DNAH17: variants seen among roughly 807,000 people sequenced by gnomAD.
DNAH17 encodes axonemal beta dynein heavy chain 17.
In DNAH17, 376 loss-of-function variants were observed where a neutral mutation model predicts 485.6. That is an observed-to-expected ratio of 0.77 (90% CI 0.71 to 0.84). The LOEUF is 0.84. DNAH17 is among the 40% of genes least tolerant of loss of function. The pLI is 0.00. For synonymous variants in DNAH17, 3,031 were observed against 2,405.9 expected, an observed-to-expected ratio of 1.26 and a Z score of -7.60; for missense variants, 6,370 against 5,839.3, an observed-to-expected ratio of 1.09 and a Z score of -2.96.
At chr17:78,528,042 G>T (rs992744506) in intron 22 of DNAH17, among the ~76,000 whole-genome samples, 1 of 151,764 alleles carries the variant, frequency 6.6e-6, no homozygotes, top group Non-Finnish European at 1.5e-5. Context: ...GCCTCCCAAA[G>T]TGCTGAAATT....
Position 78,567,161 on chromosome 17 carries a change from G to C in DNAH17, c.1290C>G (p.Leu430=), listed in dbSNP as rs1345377577. ...FFQRIQTIEE[L]YKTAIEFLKL... is the part of the protein sequence containing the mutation. ...TCAGAAACTCAATTGCTGTTTTATA[G>C]AGTTCCTAGTGGAGGAGAAAAACAC... Residue 430 remains leucine, a synonymous_variant, in exon 10 of 81, where the codon CTC becomes CTG. Coordinates refer to ENST00000389840, the MANE Select transcript of DNAH17 (RefSeq NM_173628.4). The C allele has an allele frequency of 1.3e-6, 2 of 1,598,174 alleles. No homozygotes were observed. Among genetic ancestry groups the C allele is most frequent in the Non-Finnish European group, 1.7e-6 (2 of 1,172,234 alleles).
intron 54 of DNAH17, among the ~76,000 whole-genome samples, chr17:78,471,132 T>C (rs1454561077): frequency 6.6e-6 from 1 of 152,192 alleles, no homozygotes; most frequent in Non-Finnish European, 1.5e-5. Context: ...TGAAGAGGCT[T>C]TAAAAGTGTC....
In DNAH17 at chr17:78,423,764, G is replaced by T; in HGVS notation, c.*142C>A. 2 of 1,121,390 alleles carry T rather than the reference G, an allele frequency of 1.8e-6. No individual in the cohort carries two copies. 69.5% of individuals were successfully genotyped at this position (1,121,390 alleles called of 1,614,324 possible). Reference sequence around the variant, plus strand: ...CCAACCTCCACCCTCTGGTTCCGATGTGCTTGGTTACAAAGCACCTGATTA... The same window carrying T: ...CCAACCTCCACCCTCTGGTTCCGATTTGCTTGGTTACAAAGCACCTGATTA... On this transcript the variant is annotated 3_prime_UTR_variant, in exon 81 of 81. Transcript: ENST00000389840.
chr17:78,478,862 C>T, intron 51 of DNAH17, 163 bp downstream of exon 51: 1 of 624,902 alleles, frequency 1.6e-6, no homozygotes, highest in Non-Finnish European at 2.8e-6. Context: ...CTACCACTGT[C>T]ACCACCACCA....
At chr17:78,457,657 C>CTTTTTTTTT (rs71160297) in intron 62 of DNAH17, among the ~76,000 whole-genome samples, 1 of 66,784 alleles carries the variant, frequency 1.5e-5, no homozygotes. Context: ...CCGTGCCTGG[C>CTTTTTTTTT]TTTTTTTTTT....
At chr17:78,526,045 G>A (rs1356925212) in intron 24 of DNAH17, among the ~76,000 whole-genome samples, 1 of 152,222 alleles carries the variant, frequency 6.6e-6, no homozygotes, top group Non-Finnish European at 1.5e-5. Context: ...GGGCCCCACT[G>A]GGCCCCAAGA....
At chr17:78,496,156 T>A in intron 37 of DNAH17, 124 bp from the exon 38 acceptor site, 1 of 1,075,534 alleles carries the variant, frequency 9.3e-7, no homozygotes, top group Middle Eastern at 2.2e-4. Flanking sequence ...AACCTCCTAG[T>A]TTATTTTTTA....
At chr17:78,427,280 GGA>G (rs2146411055) in intron 77 of DNAH17, 172 bp from the exon 78 acceptor site, 4 of 652,910 alleles carry the variant, frequency 6.1e-6, no homozygotes, top group Non-Finnish European at 1.1e-5. Context: ...CATTTGATGA[GGA>G]GAGGGAGCCT....
chr17:78,439,665 CTTTTTTTTTT>C (rs11399691), intron 72 of DNAH17, among the ~76,000 whole-genome samples: 1 of 92,236 alleles, frequency 1.1e-5, no homozygotes, highest in African/African-American at 4.2e-5. Context: ...CAGTACTTCA[CTTTTTTTTTT>C]TTTTTTTTTT....
chr17:78,549,646 G>T (rs184706318), intron 16 of DNAH17, among the ~76,000 whole-genome samples: 1 of 152,332 alleles, frequency 6.6e-6, no homozygotes, highest in East Asian at 1.9e-4. Flanking sequence ...AGGTAAAGGG[G>T]GGTTTATGTA....
intron 48 of DNAH17, 64 bp downstream of exon 48, chr17:78,484,804 C>G (rs1042584740): frequency 1.5e-6 from 2 of 1,377,146 alleles, no homozygotes; most frequent in Non-Finnish European, 1.9e-6. Context: ...TCCTGCGCCC[C>G]GCCCTGGCCC....
At chr17:78,433,939 A>AGGAGGGAGGGAAGGAG (rs1387307141) in intron 75 of DNAH17, 90 bp downstream of exon 75, 1 of 913,060 alleles carries the variant, frequency 1.1e-6, no homozygotes, top group East Asian at 2.7e-5. Flanking sequence ...GAGGGAGGGA[A>AGGAGGGAGGGAAGGAG]GGAGGGAGGG....
chr17:78,570,885 A>T, intron 6 of DNAH17, 63 bp downstream of exon 6: 9 of 703,046 alleles, frequency 1.3e-5, no homozygotes, highest in African/African-American at 2.3e-5. Context: ...AAAAGAAAAA[A>T]GAAAAGAAAA....
rs749812571 is a variant in DNAH17 at position 78,468,818 on chromosome 17, T to TGTCATC, written c.8571_8576dup (p.Met2858_Thr2859dup). The TGTCATC allele has an allele frequency of 1.2e-6, 2 of 1,614,048 alleles. No homozygotes were observed. The highest frequency in any genetic ancestry group is 1.7e-6 in the Non-Finnish European group (2 of 1,179,910). ...ACTGCTCCTCGGCCACCTGGGAGTCTGTCATCAGGAACACCGAGGGAACGT... is the reference window on the plus strand; with the variant it reads ...ACTGCTCCTCGGCCACCTGGGAGTCTGTCATCGTCATCAGGAACACCGAGGGAACGT... On this transcript the variant is annotated inframe_insertion, in exon 55 of 81. Coordinates refer to ENST00000389840, the MANE Select transcript of DNAH17 (RefSeq NM_173628.4).
chr17:78,428,301 G>A (rs1442368035), intron 77 of DNAH17: 4 of 598,584 alleles, frequency 6.7e-6, no homozygotes, highest in African/African-American at 5.5e-5. Context: ...GATCCCTTTT[G>A]TCTGGGCCCG....
chr17:78,486,221 C>T lies in DNAH17; in HGVS notation c.7101+3G>A, dbSNP rs766891042. 8.8e-6 allele frequency: 14 copies of T among 1,586,952 alleles called. No individual in the cohort carries two copies. The highest frequency in any genetic ancestry group is 1.2e-5 in the Non-Finnish European group (14 of 1,164,416). On this transcript the variant is annotated splice_donor_region_variant and intron_variant, in intron 45 of 80. Transcript: ENST00000389840. Reference sequence around the variant, plus strand: ...GGGTGGCCGGGCCCCCCAGGTGCATCACCTGGTCCTGGAACATGGCGCCAC... The same window carrying T: ...GGGTGGCCGGGCCCCCCAGGTGCATTACCTGGTCCTGGAACATGGCGCCAC...
At chr17:78,500,040 A>C (rs1033685315) in intron 36 of DNAH17, 1 of 420,792 alleles carries the variant, frequency 2.4e-6, no homozygotes, top group African/African-American at 2.0e-5. Context: ...CAATCTTAAC[A>C]ACTGAAATTG....
chr17:78,550,202 C>T lies in DNAH17; in HGVS notation c.2391+1333G>A, dbSNP rs181029141. 3.7e-4 allele frequency among the ~76,000 whole-genome samples: 57 copies of T among 152,350 alleles called. No homozygotes were observed. In the East Asian group the frequency reaches 9.1e-3, roughly 24 times the overall value. The stretch of plus-strand genomic sequence containing the variant: ...TCAACAGGCTAGAAGAATGTTACGA[C>T]GTCCAGCGGACATTAACACAAGGAG... On this transcript the variant is annotated intron_variant, in intron 16 of 80. Transcript: ENST00000389840.
rs775238626 is a variant in DNAH17 at position 78,424,000 on chromosome 17, C to T, written c.13295G>A (p.Arg4432His). Residue 4432 changes from arginine to histidine, a missense_variant, in exon 81 of 81, where the codon CGC (arginine) becomes CAC (histidine). Coordinates refer to ENST00000389840, the MANE Select transcript of DNAH17 (RefSeq NM_173628.4). The stretch of plus-strand genomic sequence containing the variant: ...AAAGGTCCAGACATAGGTGGGGCCG[C>T]GGATGCGTGTTTTGTACACGGGACA... ...YECPVYKTRI[R>H]GPTYVWTFNL... The T allele has an allele frequency of 6.1e-5, 98 of 1,613,868 alleles. No homozygotes were observed. The highest frequency in any genetic ancestry group is 1.8e-4 in the Admixed American group (11 of 60,004).
Sources: allele counts gnomAD v4.1 joint callset (sites outside exome capture counted in the v4.1 genomes callset), GRCh38; gene constraint gnomAD v4.1.1; transcripts MANE v1.5; gene names NCBI Gene and HGNC (gene_info 2026-07-23, HGNC 2026-07-21).